LTBP2: variants seen among roughly 807,000 people sequenced by gnomAD.
LTBP2 encodes latent-transforming growth factor beta-binding protein 2.
In LTBP2, 103 loss-of-function variants were observed where a neutral mutation model predicts 210.6. The ratio of observed to expected loss-of-function variants is 0.49; its 90% CI spans 0.42 to 0.58. LTBP2 has a LOEUF of 0.58. Ranked by LOEUF, LTBP2 falls within the 20% of genes least tolerant of loss-of-function variation. LTBP2 has a pLI of 0.00. For synonymous variants in LTBP2, 1,007 were observed against 1,015.0 expected, an observed-to-expected ratio of 0.99 and a Z score of 0.15; for missense variants, 2,313 against 2,494.5, an observed-to-expected ratio of 0.93 and a Z score of 1.55.
intron 3 of LTBP2, among the ~76,000 whole-genome samples, chr14:74,566,391 T>C (rs376773447): frequency 1.3e-5 from 2 of 152,210 alleles, no homozygotes; most frequent in East Asian, 3.9e-4. Flanking sequence ...CCCAGAACTC[T>C]CTCTGCTGCC....
chr14:74,522,092 T>C, intron 16 of LTBP2, 53 bp from the exon 17 acceptor site: 1 of 1,578,936 alleles, frequency 6.3e-7, no homozygotes, highest in Non-Finnish European at 8.6e-7. Context: ...GTGCCGTTCT[T>C]TGGGCACCTA....
chr14:74,516,745 TTGG>T (rs2087139294), intron 18 of LTBP2, 74 bp downstream of exon 18: 1 of 1,528,508 alleles, frequency 6.5e-7, no homozygotes, highest in African/African-American at 1.4e-5. Context: ...AGAAGGCGTG[TTGG>T]TGGTGGGCAG....
intron 2 of LTBP2, among the ~76,000 whole-genome samples, chr14:74,592,939 A>T (rs2088302730): frequency 6.6e-6 from 1 of 151,630 alleles, no homozygotes; most frequent in Non-Finnish European, 1.5e-5. Context: ...CTCCTCCAGG[A>T]CCCTTTCTTT....
Position 74,532,426 on chromosome 14 carries a change from A to G in LTBP2, c.1987T>C (p.Ser663Pro), listed in dbSNP as rs765623792. Residue 663 changes from serine (S) to proline (P), a missense_variant and splice_region_variant, in exon 10 of 36, where the codon TCG (serine) becomes CCG (proline). Coordinates refer to ENST00000261978, the MANE Select transcript of LTBP2 (RefSeq NM_000428.3). Reference sequence around the variant, plus strand: ...CCACCCCATCCCTGCCAGCACTCACACACACAGCGGCTCCGCGATGGATCC... The same window carrying G: ...CCACCCCATCCCTGCCAGCACTCACGCACACAGCGGCTCCGCGATGGATCC... Reference protein sequence around the residue: ...MLDPSRSRCVSDKAISMLQGL... With the variant: ...MLDPSRSRCVPDKAISMLQGL... 21 of 1,613,776 alleles carry G rather than the reference A, an allele frequency of 1.3e-5. No homozygotes were observed. In the South Asian group the frequency reaches 2.2e-4, roughly 17 times the overall value.
At chr14:74,592,175 C>A (rs1305269631) in intron 2 of LTBP2, among the ~76,000 whole-genome samples, 1 of 152,150 alleles carries the variant, frequency 6.6e-6, no homozygotes, top group African/African-American at 2.4e-5. Flanking sequence ...CTTAAATATC[C>A]AAAAGGAAAT....
At chr14:74,589,124 G>T (rs2088247959) in intron 2 of LTBP2, among the ~76,000 whole-genome samples, 3 of 152,204 alleles carry the variant, frequency 2.0e-5, no homozygotes, top group Admixed American at 2.0e-4. Flanking sequence ...AGCCCACACA[G>T]AATTTTTAAA....
intron 12 of LTBP2, among the ~76,000 whole-genome samples, chr14:74,527,619 G>A (rs1281063185): frequency 1.3e-5 from 2 of 152,208 alleles, no homozygotes; most frequent in Admixed American, 6.5e-5. Flanking sequence ...CTTGGTAAGC[G>A]GAAGGCCCTG....
chr14:74,609,237 C>T (rs2088571894), intron 1 of LTBP2, among the ~76,000 whole-genome samples: 1 of 152,144 alleles, frequency 6.6e-6, no homozygotes, highest in South Asian at 2.1e-4. Flanking sequence ...TGTCAGGGAA[C>T]CCACTCTTTA....
At chr14:74,591,167 G>A (rs1378566330) in intron 2 of LTBP2, among the ~76,000 whole-genome samples, 4 of 152,170 alleles carry the variant, frequency 2.6e-5, no homozygotes, top group Non-Finnish European at 5.9e-5. Context: ...CAGACTGGGT[G>A]CCGAGGCCAG....
chr14:74,605,417 C>T (rs896469855), intron 1 of LTBP2, among the ~76,000 whole-genome samples: 1 of 152,156 alleles, frequency 6.6e-6, no homozygotes, highest in Non-Finnish European at 1.5e-5. Flanking sequence ...GGGCGACCAC[C>T]GTTAGCAGCT....
At position 74,575,445 on chromosome 14, in the gene LTBP2, T is replaced by C. The variant is rs1200312982; in HGVS notation, c.830+10409A>G. Reference sequence around the variant, plus strand: ...AGAAGCCAGGTCTAGTATCACCACATACAGCTGCACAGGCTGTGCACTGCA... The same window carrying C: ...AGAAGCCAGGTCTAGTATCACCACACACAGCTGCACAGGCTGTGCACTGCA... On this transcript the variant is annotated intron_variant, in intron 3 of 35. Coordinates refer to ENST00000261978, the MANE Select transcript of LTBP2 (RefSeq NM_000428.3). Among the ~76,000 whole-genome samples the C allele has an allele frequency of 3.3e-5, 5 of 152,354 alleles. No individual in the cohort carries two copies. The East Asian group carries it at 9.6e-4, about 29-fold the overall frequency.
chr14:74,572,201 A>C (rs1331788584), intron 3 of LTBP2, among the ~76,000 whole-genome samples: 1 of 152,118 alleles, frequency 6.6e-6, no homozygotes, highest in Non-Finnish European at 1.5e-5. Context: ...TTTGCAGTTA[A>C]TCCATTTTCC....
In LTBP2 at chr14:74,586,124, G is replaced by A; in HGVS notation, c.566-6C>T. The A allele has an allele frequency of 6.3e-7, 1 of 1,589,902 alleles. No homozygotes were observed. The highest frequency in any genetic ancestry group is 8.6e-7 in the Non-Finnish European group (1 of 1,169,124). On this transcript the variant is annotated splice_polypyrimidine_tract_variant and splice_region_variant and intron_variant, in intron 2 of 35. Transcript: ENST00000261978. The surrounding 1 kb of genome is among the most constrained non-coding windows in gnomAD (Gnocchi z 4.6). ...GCACGGCGGCTCGCAAACGGCTGAG[G>A]ACACAGGGAGAGAGGTGACAGCAGT...
At chr14:74,579,853 G>T (rs997110925) in intron 3 of LTBP2, among the ~76,000 whole-genome samples, 1 of 152,212 alleles carries the variant, frequency 6.6e-6, no homozygotes, top group African/African-American at 2.4e-5. Flanking sequence ...GTAGGGAGTT[G>T]TGAGATGTAA....
chr14:74,612,095 G>T lies in LTBP2; in HGVS notation c.-151C>A. On this transcript the variant is annotated 5_prime_UTR_variant, in exon 1 of 36. Transcript: ENST00000261978. ...CCTGAAGCGGCCGACTGGGGGCCCG[G>T]CTCTCGGCGGAACGAGGGCTGCGCG... The T allele has an allele frequency of 1.3e-6, 1 of 793,562 alleles. No individual in the cohort carries two copies. The highest frequency in any genetic ancestry group is 1.8e-6 in the Non-Finnish European group (1 of 545,354). 49.2% of individuals were successfully genotyped at this position (793,562 alleles called of 1,614,324 possible). A position where few individuals can be genotyped will look rare whatever the true frequency, so the allele number is the denominator to read the frequency against.
chr14:74,571,579 A>AT (rs1181532971), intron 3 of LTBP2, among the ~76,000 whole-genome samples: 48 of 152,356 alleles, frequency 3.2e-4, no homozygotes, highest in African/African-American at 1.2e-3. Flanking sequence ...TTCTGCCCTC[A>AT]CACGCTACTG....
Position 74,529,131 on chromosome 14 carries a change from GAC to G in LTBP2, c.1988-11_1988-10del. On this transcript the variant is annotated splice_polypyrimidine_tract_variant and intron_variant, in intron 10 of 35. Coordinates refer to ENST00000261978, the MANE Select transcript of LTBP2 (RefSeq NM_000428.3). Reference sequence around the variant, plus strand: ...GGAGATTGCCTTGTCCGCTGCAACAGACACAGCACGTGGAGGTGGGCAGGTGG... The same window carrying G: ...GGAGATTGCCTTGTCCGCTGCAACAGACAGCACGTGGAGGTGGGCAGGTGG... 2 of 1,551,296 alleles carry G rather than the reference GAC, an allele frequency of 1.3e-6. No individual in the cohort carries two copies. The highest frequency in any genetic ancestry group is 1.7e-6 in the Non-Finnish European group (2 of 1,147,100).
chr14:74,504,663 G>A, intron 30 of LTBP2, 115 bp downstream of exon 30: 1 of 969,586 alleles, frequency 1.0e-6, no homozygotes, highest in Non-Finnish European at 1.7e-6. Flanking sequence ...CAGAAAAGGT[G>A]GAGGCAACCT....
Position 74,503,224 on chromosome 14 carries a change from C to T in LTBP2, c.4883G>A (p.Ser1628Asn), listed in dbSNP as rs927987691. The T allele has an allele frequency of 6.2e-7, 1 of 1,613,986 alleles. No homozygotes were observed. The change falls in exon 33 of 36, where the codon AGC becomes AAC. Residue 1628 changes from serine (S) to asparagine (N), a missense_variant. Transcript: ENST00000261978. ...TCCCCTTTGCTCCCCCTCACCAGAG[C>T]TCCTCGGGGGACACAGAGCACACTG... ...SQQCALCPPR[S>N]SEVYAQLCNV...
Sources: gnomAD v4.1 joint callset for allele counts (sites outside exome capture counted in the v4.1 genomes callset) on GRCh38, gnomAD v4.1.1 for gene constraint, Gnocchi (gnomAD v3.1) non-coding constraint, MANE v1.5 for transcripts, NCBI Gene and HGNC (gene_info 2026-07-23, HGNC 2026-07-21) for gene names.